Variants in CES5A observed in about 807,000 individuals in gnomAD.
The protein encoded by CES5A is carboxylesterase 5A.
Under a neutral mutation model 62.9 loss-of-function variants are expected in CES5A, and 67 were observed. That is an observed-to-expected ratio of 1.07 (90% CI 0.88 to 1.31). The LOEUF (loss-of-function observed/expected upper bound fraction) is 1.31. Ranked by LOEUF, CES5A falls within the 50% of genes most tolerant of loss-of-function variation. The pLI is 0.00. For missense variants in CES5A, 748 were observed against 708.5 expected, an observed-to-expected ratio of 1.06 and a Z score of -0.63; for synonymous variants, 296 against 280.8, an observed-to-expected ratio of 1.05 and a Z score of -0.54.
At chr16:55,888,675 G>T (rs1021493713) in intron 1 of CES5A, among the ~76,000 whole-genome samples, 2 of 152,178 alleles carry the variant, frequency 1.3e-5, no homozygotes, top group Non-Finnish European at 2.9e-5. Context: ...TTCATTTATT[G>T]GTTGTGTCAG....
chr16:55,917,304 G>A (rs1367183718), intron 1 of CES5A, among the ~76,000 whole-genome samples: 5 of 152,186 alleles, frequency 3.3e-5, no homozygotes, highest in Non-Finnish European at 5.9e-5. Flanking sequence ...TAAATTTAGT[G>A]GTTTAAAACA....
At chr16:55,848,263 C>G (rs2033055956) in intron 11 of CES5A, among the ~76,000 whole-genome samples, 1 of 151,942 alleles carries the variant, frequency 6.6e-6, no homozygotes, top group Non-Finnish European at 1.5e-5. Context: ...TGCCACCATG[C>G]TTGGCTAATT....
At chr16:55,911,980 T>G (rs1228999121) in intron 1 of CES5A, among the ~76,000 whole-genome samples, 1 of 152,218 alleles carries the variant, frequency 6.6e-6, no homozygotes, top group African/African-American at 2.4e-5. Flanking sequence ...CTGAAGTTTC[T>G]AAATAGAAAA....
intron 2 of CES5A, among the ~76,000 whole-genome samples, chr16:55,948,474 G>A (rs1336700713): frequency 1.3e-5 from 2 of 152,024 alleles, no homozygotes; most frequent in African/African-American, 2.4e-5. Flanking sequence ...TGGAAGGGGG[G>A]TAAAATTTCT....
At chr16:55,908,895 C>T (rs1295561242) in intron 1 of CES5A, among the ~76,000 whole-genome samples, 2 of 152,210 alleles carry the variant, frequency 1.3e-5, no homozygotes, top group Non-Finnish European at 1.5e-5. Context: ...GAGTGGCTCC[C>T]CTTCTCAGGG....
intron 1 of CES5A, among the ~76,000 whole-genome samples, chr16:55,901,598 G>A (rs1349392895): frequency 9.9e-5 from 15 of 152,196 alleles, no homozygotes; most frequent in African/African-American, 3.1e-4. Context: ...TCCTTGGCTC[G>A]GGCCTCTCCA....
chr16:55,953,919 C>A (rs1415802149), intron 1 of CES5A, among the ~76,000 whole-genome samples: 1 of 152,086 alleles, frequency 6.6e-6, no homozygotes, highest in Non-Finnish European at 1.5e-5. Context: ...TTAGTTATTT[C>A]TAAATACACA....
chr16:55,854,531 C>CTTTTTTTTTTCTTTTTTTTTT (rs1555479324), intron 9 of CES5A, among the ~76,000 whole-genome samples: 2 of 52,162 alleles, frequency 3.8e-5, no homozygotes, highest in East Asian at 6.2e-4. Flanking sequence ...TGTAGTGTTT[C>CTTTTTTTTTTCTTTTTTTTTT]TTTTTTTTTT....
chr16:55,933,685 A>T (rs572051844), intron 2 of CES5A, among the ~76,000 whole-genome samples: 24 of 152,160 alleles, frequency 1.6e-4, no homozygotes, highest in Admixed American at 3.3e-4. Context: ...ATATATACAC[A>T]TATCTAGAAT....
chr16:55,848,964 T>C (rs1358218630), intron 11 of CES5A, among the ~76,000 whole-genome samples: 1 of 152,212 alleles, frequency 6.6e-6, no homozygotes, highest in African/African-American at 2.4e-5. Flanking sequence ...ATACACTCTA[T>C]ATGGAACGTT....
At chr16:55,871,432 A>G (rs1343818120) in intron 3 of CES5A, among the ~76,000 whole-genome samples, 193 bp downstream of exon 3, 1 of 152,250 alleles carries the variant, frequency 6.6e-6, no homozygotes, top group Non-Finnish European at 1.5e-5. Flanking sequence ...AGGCACTGCC[A>G]ATAAAGAATC....
At chr16:55,879,970 T>G (rs989213280), upstream of CES5A, among the ~76,000 whole-genome samples, 5 of 152,362 alleles carry the variant, frequency 3.3e-5, no homozygotes, top group Non-Finnish European at 7.3e-5. Flanking sequence ...ACTTCTTCCA[T>G]GCAGGCCTCC....
chr16:55,884,251 G>T (rs746768136), intron 1 of CES5A, among the ~76,000 whole-genome samples: 2 of 152,160 alleles, frequency 1.3e-5, no homozygotes, highest in African/African-American at 4.8e-5. Context: ...CCTCAGCCTT[G>T]TGCTACTCCT....
rs139424811 is a variant in CES5A at position 55,901,493 on chromosome 16, T to A, written c.-256+23830A>T. On this transcript the variant is annotated intron_variant, in intron 1 of 12. Transcript: ENST00000518005. ...CACTATAAAGTTAAAATAAAGCCCC[T>A]CAGCAAAAAATACACAAGGCTGCCC... Among the ~76,000 whole-genome samples, 19 of 152,268 alleles carry A rather than the reference T, an allele frequency of 1.2e-4. 2 individuals are homozygous for A. In the Middle Eastern group the frequency reaches 0.01, roughly 82 times the overall value.
Position 55,875,342 on chromosome 16 carries a change from G to A in CES5A, c.-121C>T, listed in dbSNP as rs2033676718. 3.3e-6 allele frequency: 5 copies of A among 1,495,312 alleles called. No homozygotes were observed. In the Admixed American group the frequency reaches 7.6e-5, roughly 23 times the overall value. 92.6% of individuals were successfully genotyped at this position (1,495,312 alleles called of 1,614,324 possible). ...AATGCTGAATAGGCAGGCAGAGGCAGCAGAGTTACTGAAGATCAGCATCAG... is the reference window on the plus strand; with the variant it reads ...AATGCTGAATAGGCAGGCAGAGGCAACAGAGTTACTGAAGATCAGCATCAG... On this transcript the variant is annotated 5_prime_UTR_variant, in exon 1 of 13. Transcript: ENST00000290567.
chr16:55,867,049 G>A (rs2033480484), intron 4 of CES5A, among the ~76,000 whole-genome samples: 2 of 152,068 alleles, frequency 1.3e-5, no homozygotes, highest in Admixed American at 6.6e-5. Flanking sequence ...CTCTAGGAAT[G>A]ACATCACCCA....
chr16:55,922,697 T>G (rs2034218755), intron 1 of CES5A, among the ~76,000 whole-genome samples: 1 of 151,908 alleles, frequency 6.6e-6, no homozygotes, highest in Admixed American at 6.6e-5. Flanking sequence ...TAAGCCTAAC[T>G]GACATTTATA....
chr16:55,885,501 G>C (rs1425025078), intron 1 of CES5A, among the ~76,000 whole-genome samples: 2 of 152,114 alleles, frequency 1.3e-5, no homozygotes, highest in Non-Finnish European at 2.9e-5. Flanking sequence ...GACTGTGATA[G>C]AATCTGCAAA....
At chr16:55,895,412 C>T (rs144738365) in intron 1 of CES5A, among the ~76,000 whole-genome samples, 10 of 152,374 alleles carry the variant, frequency 6.6e-5, no homozygotes, top group Non-Finnish European at 1.2e-4. Flanking sequence ...CCAGCCCTCA[C>T]ACCAGTGTGT....
Sources: allele counts gnomAD v4.1 joint callset (sites outside exome capture counted in the v4.1 genomes callset), GRCh38; gene constraint gnomAD v4.1.1; transcripts MANE v1.5; gene names NCBI Gene and HGNC (gene_info 2026-07-23, HGNC 2026-07-21).